ETV7: variants seen among roughly 807,000 people sequenced by gnomAD.
The protein encoded by ETV7 is ETS variant transcription factor 7.
ETV7 carries 43 observed loss-of-function variants against 39.1 expected under a neutral mutation model. The observed-to-expected ratio is 1.10, with a 90% CI of 0.86 to 1.42. ETV7 has a LOEUF of 1.42. ETV7 is among the 40% of genes most tolerant of loss of function. The pLI, the probability that ETV7 is intolerant of heterozygous loss-of-function variation, is 0.00. For synonymous variants in ETV7, 196 were observed against 176.6 expected (o/e 1.11, Z -0.87); for missense variants, 432 against 442.3 (o/e 0.98, Z 0.21).
At chr6:36,355,166 T>C (rs1050916678) in intron 7 of ETV7, among the ~76,000 whole-genome samples, 1 of 152,202 alleles carries the variant, frequency 6.6e-6, no homozygotes, top group Non-Finnish European at 1.5e-5. Context: ...CCTGCAATAT[T>C]AGGAGAAAAG....
Position 36,373,463 on chromosome 6 carries a change from G to T in ETV7, c.423C>A (p.Val141=), listed in dbSNP as rs779428079. The T allele has an allele frequency of 3.6e-5, 57 of 1,568,974 alleles. No individual in the cohort carries two copies. The highest frequency in any genetic ancestry group is 4.7e-5 in the Non-Finnish European group (55 of 1,161,492). The change falls in exon 4 of 8, where the codon GTC becomes GTA. Residue 141 remains valine, a synonymous_variant. Coordinates refer to ENST00000340181, the MANE Select transcript of ETV7 (RefSeq NM_016135.4). ...RLKTPTQHSP[V]PPEEVTGPSQ... ...AGAGAGCTTCCTCACCTTCCGGGGG[G>T]ACTGGAGAGTGCTGGGTGGGCGTCT...
At chr6:36,385,482 A>C (rs1251382185) in intron 2 of ETV7, 52 bp downstream of exon 2, 95 of 1,611,464 alleles carry the variant, frequency 5.9e-5, no homozygotes, top group Non-Finnish European at 6.0e-5. Flanking sequence ...GATCTAAAAC[A>C]AAATAAAAAT....
chr6:36,383,243 G>C (rs1033329756), intron 2 of ETV7, among the ~76,000 whole-genome samples: 12 of 152,060 alleles, frequency 7.9e-5, no homozygotes, highest in African/African-American at 2.9e-4. Flanking sequence ...ATCCTCTTTT[G>C]TTCCCCATTT....
intron 2 of ETV7, among the ~76,000 whole-genome samples, chr6:36,379,976 G>C (rs1249603583): frequency 2.0e-5 from 3 of 152,050 alleles, no homozygotes; most frequent in African/African-American, 7.2e-5. Flanking sequence ...CAGTACCTCA[G>C]TTTCATCATC....
At chr6:36,372,189 T>A (rs950818934) in intron 4 of ETV7, among the ~76,000 whole-genome samples, 1 of 151,896 alleles carries the variant, frequency 6.6e-6, no homozygotes, top group Non-Finnish European at 1.5e-5. Context: ...GTGAGCTCTG[T>A]GGGTATCTAG....
intron 2 of ETV7, among the ~76,000 whole-genome samples, chr6:36,378,064 A>G (rs1308707376): frequency 6.6e-6 from 1 of 152,206 alleles, no homozygotes; most frequent in Non-Finnish European, 1.5e-5. Flanking sequence ...ACTAAGATCA[A>G]ATGGTCTTAT....
chr6:36,364,716 G>A (rs1026498700), downstream of ETV7, among the ~76,000 whole-genome samples: 1 of 152,190 alleles, frequency 6.6e-6, no homozygotes, highest in African/African-American at 2.4e-5. Context: ...CTCAAGTGCC[G>A]CCAAAGTGGG....
intron 4 of ETV7, among the ~76,000 whole-genome samples, chr6:36,372,423 C>A (rs921163352): frequency 2.0e-5 from 3 of 152,130 alleles, no homozygotes; most frequent in Admixed American, 6.5e-5. Context: ...GCTGAGCAGA[C>A]AAGTGACGTG....
At chr6:36,371,225 A>G (rs994154062) in intron 5 of ETV7, 105 bp downstream of exon 5, 5 of 1,130,882 alleles carry the variant, frequency 4.4e-6, no homozygotes, top group Non-Finnish European at 6.4e-6. Context: ...CCCCAGCCAC[A>G]GACCTCCCAT....
intron 2 of ETV7, among the ~76,000 whole-genome samples, chr6:36,378,839 G>A (rs1397253905): frequency 6.6e-6 from 1 of 152,170 alleles, no homozygotes; most frequent in Non-Finnish European, 1.5e-5. Flanking sequence ...GGGGGGAAAG[G>A]AGCAGCAAAA....
chr6:36,385,200 G>T (rs559835696), intron 2 of ETV7, among the ~76,000 whole-genome samples: 1 of 152,106 alleles, frequency 6.6e-6, no homozygotes, highest in East Asian at 1.9e-4. Flanking sequence ...TAAGGGCCAG[G>T]TATAGTGGTT....
intron 7 of ETV7, among the ~76,000 whole-genome samples, chr6:36,360,357 C>T (rs192345160): frequency 6.6e-6 from 1 of 152,204 alleles, no homozygotes; most frequent in East Asian, 1.9e-4. Flanking sequence ...GAAGTTATTC[C>T]CAATAAAGAG....
intron 7 of ETV7, among the ~76,000 whole-genome samples, chr6:36,357,572 G>A (rs771409540): frequency 5.3e-5 from 8 of 152,108 alleles, no homozygotes; most frequent in African/African-American, 1.4e-4. Flanking sequence ...AATGATGGGC[G>A]CCTCCCATAA....
At chr6:36,384,462 T>C (rs530060751) in intron 2 of ETV7, among the ~76,000 whole-genome samples, 8 of 152,282 alleles carry the variant, frequency 5.3e-5, no homozygotes, top group Admixed American at 5.2e-4. Flanking sequence ...ATTCATTCAA[T>C]AGATATTTAG....
intron 3 of ETV7, 160 bp downstream of exon 3, chr6:36,375,711 A>T: frequency 8.6e-7 from 1 of 1,165,872 alleles, no homozygotes; most frequent in South Asian, 1.4e-5. Flanking sequence ...AGGAACCACC[A>T]GATACACACG....
chr6:36,372,528 A>G (rs572386178), intron 4 of ETV7, among the ~76,000 whole-genome samples: 19 of 150,614 alleles, frequency 1.3e-4, no homozygotes, highest in African/African-American at 4.4e-4. Flanking sequence ...TCCAGAGGCA[A>G]TGGGGGCTGG....
intron 7 of ETV7, among the ~76,000 whole-genome samples, chr6:36,359,429 T>C (rs7743792): frequency 0.48 from 70,617 of 148,138 alleles, 18,485 homozygotes; most frequent in African/African-American, 0.71. Flanking sequence ...CCAGCCTGGG[T>C]AACAAGAGCG....
At chr6:36,377,391 C>T (rs548603553) in intron 2 of ETV7, among the ~76,000 whole-genome samples, 3 of 152,140 alleles carry the variant, frequency 2.0e-5, no homozygotes, top group South Asian at 2.1e-4. Flanking sequence ...CGCTTGAGCC[C>T]GGGAGGTCAC....
At chr6:36,359,683 C>G (rs1028641903) in intron 7 of ETV7, among the ~76,000 whole-genome samples, 2 of 152,152 alleles carry the variant, frequency 1.3e-5, no homozygotes, top group African/African-American at 2.4e-5. Context: ...TTTATCTGTT[C>G]TGGTCACCAC....
Sources: allele counts gnomAD v4.1 joint callset (sites outside exome capture counted in the v4.1 genomes callset), GRCh38; gene constraint gnomAD v4.1.1; transcripts MANE v1.5; gene names NCBI Gene and HGNC (gene_info 2026-07-23, HGNC 2026-07-21).